Variants in UBE2E2 observed in about 807,000 individuals in gnomAD.
UBE2E2 encodes the protein ubiquitin-conjugating enzyme E2 E2.
UBE2E2 carries 6 observed loss-of-function variants against 24.7 expected under a neutral mutation model. That is an observed-to-expected ratio of 0.24 (90% CI 0.13 to 0.48). The LOEUF is 0.48. Among genes scored for constraint, UBE2E2 ranks in the 20% least tolerant of loss-of-function variants. UBE2E2 has a pLI of 0.99. For synonymous variants in UBE2E2, 104 were observed against 83.6 expected (o/e 1.24, Z -1.33); for missense variants, 169 against 245.0 (o/e 0.69, Z 2.07).
At chr3:23,404,140 TCA>T (rs200433392) in intron 3 of UBE2E2, among the ~76,000 whole-genome samples, 3 of 151,552 alleles carry the variant, frequency 2.0e-5, no homozygotes, top group South Asian at 2.1e-4. Flanking sequence ...GATTACACAC[TCA>T]CACACACACA....
chr3:23,203,102 G>A (rs1371284858), upstream of UBE2E2: 11 of 979,540 alleles, frequency 1.1e-5, no homozygotes, highest in Non-Finnish European at 1.2e-5. Flanking sequence ...GCAGGCACGC[G>A]CACTCGCGGG....
intron 3 of UBE2E2, 50 bp from the exon 4 acceptor site, chr3:23,499,558 C>T: frequency 1.9e-6 from 3 of 1,564,818 alleles, no homozygotes; most frequent in Admixed American, 2.0e-5. Context: ...TGTTAAATTC[C>T]AGCCTTTATG....
At chr3:23,578,794 G>C (rs1278550995) in intron 5 of UBE2E2, among the ~76,000 whole-genome samples, 1 of 152,142 alleles carries the variant, frequency 6.6e-6, no homozygotes, top group Non-Finnish European at 1.5e-5. Context: ...GGGAAGGGGA[G>C]CATCAGGAAG....
chr3:23,409,478 C>G (rs1314443997), intron 3 of UBE2E2, among the ~76,000 whole-genome samples: 1 of 152,148 alleles, frequency 6.6e-6, no homozygotes, highest in Non-Finnish European at 1.5e-5. Context: ...TAGGAGAAGA[C>G]AATGTGTGGT....
chr3:23,481,834 A>G (rs1048895522), intron 3 of UBE2E2, among the ~76,000 whole-genome samples: 1 of 152,238 alleles, frequency 6.6e-6, no homozygotes, highest in African/African-American at 2.4e-5. Context: ...TTATTAAGGG[A>G]TACTACAAGT....
chr3:23,247,581 C>G (rs893015215), intron 3 of UBE2E2, among the ~76,000 whole-genome samples: 2 of 152,142 alleles, frequency 1.3e-5, no homozygotes, highest in Non-Finnish European at 2.9e-5. Context: ...CTCAAACTCT[C>G]AACCTCAGGT....
chr3:23,379,636 G>A (rs540403477), intron 3 of UBE2E2, among the ~76,000 whole-genome samples: 4 of 151,776 alleles, frequency 2.6e-5, no homozygotes, highest in South Asian at 2.1e-4. Flanking sequence ...TCTTAATCCA[G>A]TCTATCATTG....
intron 4 of UBE2E2, among the ~76,000 whole-genome samples, chr3:23,515,710 A>G (rs1411716811): frequency 6.6e-6 from 1 of 151,998 alleles, no homozygotes; most frequent in Non-Finnish European, 1.5e-5. Context: ...TAATCCCAGC[A>G]CTTTGAGAGG....
chr3:23,375,741 A>G (rs1696505175), intron 3 of UBE2E2, among the ~76,000 whole-genome samples: 1 of 152,172 alleles, frequency 6.6e-6, no homozygotes, highest in Non-Finnish European at 1.5e-5. Flanking sequence ...CATAATTAGG[A>G]CACCTTTGCT....
chr3:23,499,681 G>C lies in UBE2E2; in HGVS notation c.301G>C (p.Gly101Arg). 1.2e-6 allele frequency: 2 copies of C among 1,613,986 alleles called. No individual in the cohort carries two copies. The highest frequency in any genetic ancestry group is 1.7e-6 in the Non-Finnish European group (2 of 1,179,908). The stretch of plus-strand genomic sequence containing the variant: ...GGGACCCCCAGGATCTGTCTATGAA[G>C]GAGGGGTGTTCTTTCTTGACATTAC... Reference protein sequence around the residue: ...ILGPPGSVYEGGVFFLDITFS... With the variant: ...ILGPPGSVYERGVFFLDITFS... The change falls in exon 4 of 6, where the codon GGA (glycine) becomes CGA (arginine). Residue 101 changes from glycine to arginine, a missense_variant. By Grantham distance (125) the Gly-to-Arg change is moderately radical. Coordinates refer to ENST00000396703, the MANE Select transcript of UBE2E2 (RefSeq NM_152653.4).
At chr3:23,537,588 C>T (rs1471348739) in intron 5 of UBE2E2, among the ~76,000 whole-genome samples, 1 of 152,174 alleles carries the variant, frequency 6.6e-6, no homozygotes, top group Non-Finnish European at 1.5e-5. Flanking sequence ...GAGGAATTTG[C>T]TCCCAGTGGC....
Position 23,499,724 on chromosome 3 carries a change from C to A in UBE2E2, c.344C>A (p.Pro115Gln). 6.2e-7 allele frequency: 1 copy of A among 1,613,658 alleles called. No individual in the cohort carries two copies. ...GACATTACCTTTTCACCAGACTATC[C>A]GTTTAAACCCCCTAAGGTCAGTATG... Reference protein sequence around the residue: ...FLDITFSPDYPFKPPKVTFRT... With the variant: ...FLDITFSPDYQFKPPKVTFRT... Residue 115 changes from proline (P) to glutamine (Q), a missense_variant, in exon 4 of 6, where the codon CCG (proline) becomes CAG (glutamine). Pro to Gln is a moderately conservative substitution (Grantham distance 76). Around this residue, in one of 2 missense-constraint regions of UBE2E2, gnomAD observed 105 missense variants for 180.7 expected, o/e 0.58. Coordinates refer to ENST00000396703, the MANE Select transcript of UBE2E2 (RefSeq NM_152653.4).
intron 3 of UBE2E2, among the ~76,000 whole-genome samples, chr3:23,299,915 G>A (rs1699023603): frequency 6.6e-6 from 1 of 152,024 alleles, no homozygotes; most frequent in African/African-American, 2.4e-5. Flanking sequence ...GTGTGTGGGA[G>A]TCTAAGTCTC....
intron 4 of UBE2E2, among the ~76,000 whole-genome samples, chr3:23,509,922 G>T (rs1559406979): frequency 1.3e-5 from 2 of 151,854 alleles, no homozygotes; most frequent in Admixed American, 6.6e-5. Context: ...ATTTTTTATG[G>T]CCGCATAGTA....
At chr3:23,333,537 G>T (rs1276647079) in intron 3 of UBE2E2, among the ~76,000 whole-genome samples, 1 of 152,062 alleles carries the variant, frequency 6.6e-6, no homozygotes, top group Non-Finnish European at 1.5e-5. Flanking sequence ...AAAATTGCCT[G>T]CCATGCCTAT....
intron 3 of UBE2E2, among the ~76,000 whole-genome samples, chr3:23,273,501 A>G (rs1318345106): frequency 8.0e-5 from 12 of 150,140 alleles, no homozygotes; most frequent in African/African-American, 3.0e-4. Flanking sequence ...ACTGCACTCC[A>G]GCCTGGGCGA....
At position 23,564,215 on chromosome 3, in the gene UBE2E2, C is replaced by G. The variant is rs1696007601; in HGVS notation, c.509-25519C>G. ...GGGGCAATAGGTCTGTTCATTGCCT[C>G]TCCCCACTTCCCACCCCAAAATACA... is the stretch of plus-strand genomic sequence containing the variant. On this transcript the variant is annotated intron_variant, in intron 5 of 5. Transcript: ENST00000396703. Among the ~76,000 whole-genome samples the G allele has an allele frequency of 2.0e-5, 3 of 151,918 alleles. No homozygotes were observed. The South Asian group carries it at 6.2e-4, about 32-fold the overall frequency.
At chr3:23,383,424 G>C (rs1458420482) in intron 3 of UBE2E2, among the ~76,000 whole-genome samples, 1 of 151,948 alleles carries the variant, frequency 6.6e-6, no homozygotes, top group Admixed American at 6.5e-5. Flanking sequence ...CAACTATATA[G>C]AATGAAATAG....
chr3:23,482,928 T>C (rs1276167778), intron 3 of UBE2E2, among the ~76,000 whole-genome samples: 2 of 152,240 alleles, frequency 1.3e-5, no homozygotes, highest in Admixed American at 1.3e-4. Context: ...TGAATGTTAT[T>C]ATATAAATAT....
Sources: allele counts gnomAD v4.1 joint callset (sites outside exome capture counted in the v4.1 genomes callset), GRCh38; gene constraint gnomAD v4.1.1; regional missense constraint gnomAD v4.1.1; transcripts MANE v1.5; gene names NCBI Gene and HGNC (gene_info 2026-07-23, HGNC 2026-07-21).